Variants in RASSF3 observed in about 807,000 individuals in gnomAD.
The protein encoded by RASSF3 is ras association domain-containing protein 3.
A neutral mutation model predicts 19.9 loss-of-function variants in RASSF3; 19 were observed. That is an observed-to-expected ratio of 0.96 (90% CI 0.67 to 1.40). The LOEUF (loss-of-function observed/expected upper bound fraction) is 1.40, where lower values mean the gene tolerates loss of function less well. Ranked by LOEUF, RASSF3 falls within the 40% of genes most tolerant of loss-of-function variation. RASSF3 has a pLI of 0.00. For missense variants in RASSF3, 306 were observed against 289.8 expected, an observed-to-expected ratio of 1.06 and a Z score of -0.41; for synonymous variants, 110 against 104.2, an observed-to-expected ratio of 1.06 and a Z score of -0.34.
intron 1 of RASSF3, among the ~76,000 whole-genome samples, chr12:64,633,063 T>G (rs944391756): frequency 2.0e-5 from 3 of 152,210 alleles, no homozygotes; most frequent in Non-Finnish European, 4.4e-5. Flanking sequence ...TCTGGCTCTA[T>G]TTGTTTTTTT....
At chr12:64,550,918 A>G (rs1211585630) in intron 2 of RASSF3, among the ~76,000 whole-genome samples, 1 of 151,244 alleles carries the variant, frequency 6.6e-6, no homozygotes, top group Non-Finnish European at 1.5e-5. Context: ...CTGCCGGCTC[A>G]CTGCTAAGGG....
chr12:64,517,292 T>C (rs1406174932), intron 1 of RASSF3, among the ~76,000 whole-genome samples: 2 of 124,686 alleles, frequency 1.6e-5, no homozygotes, highest in African/African-American at 3.1e-5. Context: ...TTCAATATTG[T>C]ATTGATATTA....
chr12:64,604,962 AT>A (rs796196239), intron 2 of RASSF3, among the ~76,000 whole-genome samples: 187 of 145,946 alleles, frequency 1.3e-3, no homozygotes, highest in South Asian at 5.3e-3. Flanking sequence ...TTTGTCATAT[AT>A]TTTTTTTTTA....
At chr12:64,551,705 ATAT>A (rs1200001505) in intron 2 of RASSF3, among the ~76,000 whole-genome samples, 3 of 152,146 alleles carry the variant, frequency 2.0e-5, no homozygotes. Flanking sequence ...ATGTTAACTA[ATAT>A]TATTGTTTTC....
chr12:64,559,264 G>A (rs1358954949), intron 2 of RASSF3, among the ~76,000 whole-genome samples: 1 of 125,078 alleles, frequency 8.0e-6, no homozygotes, highest in African/African-American at 2.7e-5. Context: ...TTTTTTTTGA[G>A]GCGGAGTCTC....
intron 2 of RASSF3, among the ~76,000 whole-genome samples, chr12:64,583,903 A>G (rs1396421834): frequency 5.3e-5 from 8 of 152,314 alleles, no homozygotes; most frequent in Non-Finnish European, 1.0e-4. Flanking sequence ...TCAATTTCTG[A>G]TAAACGTACA....
intron 1 of RASSF3, among the ~76,000 whole-genome samples, chr12:64,638,522 G>A (rs1394710615): frequency 3.3e-5 from 5 of 151,522 alleles, no homozygotes; most frequent in African/African-American, 1.2e-4. Context: ...GGAGCTTGCG[G>A]TGAGCCGAGA....
upstream of RASSF3, among the ~76,000 whole-genome samples, chr12:64,610,186 C>T (rs547649173): frequency 3.3e-3 from 504 of 152,250 alleles, 5 homozygotes; most frequent in African/African-American, 0.012. Context: ...GGCGGGCGGA[C>T]GGCTCGCAGA....
intron 2 of RASSF3, among the ~76,000 whole-genome samples, chr12:64,581,609 C>T (rs1038503144): frequency 5.3e-5 from 8 of 151,884 alleles, no homozygotes; most frequent in African/African-American, 1.9e-4. Context: ...GTTCCAGCTA[C>T]TAGGGAGGAT....
intron 1 of RASSF3, among the ~76,000 whole-genome samples, chr12:64,679,896 A>G (rs1873056934): frequency 2.6e-5 from 4 of 152,196 alleles, no homozygotes; most frequent in African/African-American, 9.7e-5. Context: ...GCCAAGAACA[A>G]TAACTGACAC....
rs776440566 is a variant in RASSF3 at position 64,582,076 on chromosome 12, T to G, written c.294+40371T>G. 5.7e-4 allele frequency among the ~76,000 whole-genome samples: 87 copies of G among 152,154 alleles called. 1 individual carries two copies. Among genetic ancestry groups the G allele is most frequent in the East Asian group, 5.8e-4 (3 of 5,166 alleles). ...CGGTTGCCCAGGTGGGGGTCTCAAATTCCTGGGCACAAGTGATCCTCTCAC... is the reference window on the plus strand; with the variant it reads ...CGGTTGCCCAGGTGGGGGTCTCAAAGTCCTGGGCACAAGTGATCCTCTCAC... On this transcript the variant is annotated intron_variant, in intron 2 of 5. Coordinates refer to the RASSF3 transcript ENST00000637125.
At chr12:64,659,000 T>C (rs1421865878) in intron 1 of RASSF3, among the ~76,000 whole-genome samples, 3 of 151,972 alleles carry the variant, frequency 2.0e-5, no homozygotes, top group Middle Eastern at 3.2e-3. Flanking sequence ...AGCCCAAGAG[T>C]TTATTAAGGC....
intron 2 of RASSF3, among the ~76,000 whole-genome samples, chr12:64,586,838 G>T (rs1054182299): frequency 1.3e-5 from 2 of 151,208 alleles, no homozygotes; most frequent in Non-Finnish European, 2.9e-5. Flanking sequence ...CAGGAGAATC[G>T]CTTGAACACG....
intron 1 of RASSF3, among the ~76,000 whole-genome samples, chr12:64,522,664 T>C (rs1440351528): frequency 1.2e-4 from 19 of 152,136 alleles, no homozygotes; most frequent in Admixed American, 1.2e-3. Context: ...CTATGAAACT[T>C]GTGTGCCAGG....
chr12:64,613,308 A>G lies in RASSF3; in HGVS notation c.111+2565A>G, dbSNP rs146624864. ...TTATCCTTTCTCTAGAGAGATGGAA[A>G]GAGAGGTATTGCTAGAAGGATCTAT... On this transcript the variant is annotated intron_variant, in intron 1 of 4. Coordinates refer to ENST00000542104, the MANE Select transcript of RASSF3 (RefSeq NM_178169.4). Among the ~76,000 whole-genome samples the G allele has an allele frequency of 2.7e-3, 409 of 152,292 alleles. 1 individual carries two copies. The highest frequency in any genetic ancestry group is 0.02 in the Middle Eastern group (6 of 294).
At chr12:64,537,393 G>A (rs1169167826) in intron 1 of RASSF3, among the ~76,000 whole-genome samples, 2 of 152,200 alleles carry the variant, frequency 1.3e-5, no homozygotes, top group South Asian at 2.1e-4. Context: ...TGGGTGCAAA[G>A]TCTCACAGCT....
intron 1 of RASSF3, among the ~76,000 whole-genome samples, chr12:64,627,246 G>A (rs2136169910): frequency 6.6e-6 from 1 of 152,276 alleles, no homozygotes; most frequent in African/African-American, 2.4e-5. Context: ...AACAGTTTTT[G>A]AAAATGAATT....
chr12:64,605,410 AG>A (rs965575880), intron 2 of RASSF3, among the ~76,000 whole-genome samples: 1 of 152,004 alleles, frequency 6.6e-6, no homozygotes, highest in Non-Finnish European at 1.5e-5. Context: ...AATTATCTTC[AG>A]GGGAACAACT....
intron 1 of RASSF3, among the ~76,000 whole-genome samples, chr12:64,669,231 T>C (rs1229185608): frequency 5.9e-5 from 9 of 152,226 alleles, no homozygotes; most frequent in African/African-American, 2.2e-4. Flanking sequence ...GAGGACTCTA[T>C]ATGAACAAGT....
Sources: allele counts gnomAD v4.1 joint callset (sites outside exome capture counted in the v4.1 genomes callset), GRCh38; gene constraint gnomAD v4.1.1; transcripts MANE v1.5; gene names NCBI Gene and HGNC (gene_info 2026-07-23, HGNC 2026-07-21).